ODAD2: variants seen among roughly 807,000 people sequenced by gnomAD.
ODAD2 encodes the protein outer dynein arm docking complex subunit 2, also known as outer dynein arm-docking complex subunit 2.
Under a neutral mutation model 106.8 loss-of-function variants are expected in ODAD2, and 89 were observed. The observed-to-expected ratio is 0.83, with a 90% confidence interval of 0.70 to 0.99. ODAD2 has a LOEUF of 0.99. ODAD2 is among the 50% of genes least tolerant of loss of function. The probability of loss-of-function intolerance (pLI) is 0.00; values close to 1 mark genes in which losing one functional copy is unlikely to be tolerated. For missense variants in ODAD2, 1,168 were observed against 1,238.5 expected (o/e 0.94, Z 0.85); for synonymous variants, 404 against 436.2 (o/e 0.93, Z 0.92).
chr10:27,841,430 C>G (rs1402513592), intron 19 of ODAD2, among the ~76,000 whole-genome samples: 2 of 151,728 alleles, frequency 1.3e-5, no homozygotes, highest in African/African-American at 2.4e-5. Flanking sequence ...GAGTCTTGCT[C>G]TGTCACCTAG....
chr10:27,941,602 T>TTTG (rs1846446989), intron 12 of ODAD2, among the ~76,000 whole-genome samples: 2 of 149,410 alleles, frequency 1.3e-5, no homozygotes, highest in African/African-American at 2.4e-5. Context: ...TCCAGTTTTT[T>TTTG]TTTTTTTTTT....
chr10:27,962,617 C>G (rs1036385706), intron 9 of ODAD2, among the ~76,000 whole-genome samples: 1 of 152,220 alleles, frequency 6.6e-6, no homozygotes, highest in Non-Finnish European at 1.5e-5. Context: ...CATTACCATG[C>G]AAAGTGTTGA....
chr10:27,827,030 C>T (rs1263888871), intron 19 of ODAD2, among the ~76,000 whole-genome samples: 3 of 152,104 alleles, frequency 2.0e-5, no homozygotes, highest in African/African-American at 7.2e-5. Flanking sequence ...ATCCAGGGGA[C>T]ACTTTTGGTT....
chr10:27,822,218 C>A lies in ODAD2; in HGVS notation c.3022-9593G>T, dbSNP rs573589345. Among the ~76,000 whole-genome samples the A allele has an allele frequency of 2.0e-4, 30 of 152,334 alleles. No homozygotes were observed. The South Asian group carries it at 6.0e-3, about 30-fold the overall frequency. On this transcript the variant is annotated intron_variant, in intron 19 of 19. Transcript: ENST00000305242. ...GAATTGGGTCTGCATTCAATTTTTA[C>A]ATTTCCATTTAACAGTTTATGATTT...
intron 1 of ODAD2, among the ~76,000 whole-genome samples, chr10:27,998,332 A>G (rs1850677873): frequency 1.3e-5 from 2 of 152,158 alleles, no homozygotes; most frequent in African/African-American, 4.8e-5. Flanking sequence ...GGCCCCCACC[A>G]GACTCGTTAC....
intron 1 of ODAD2, among the ~76,000 whole-genome samples, chr10:27,998,155 T>A (rs1011820905): frequency 2.0e-5 from 3 of 152,196 alleles, no homozygotes; most frequent in African/African-American, 7.2e-5. Flanking sequence ...AGCCATCAGC[T>A]CTGAGATCTA....
Position 27,944,269 on chromosome 10 carries a change from T to C in ODAD2, c.1696A>G (p.Lys566Glu). 1 of 1,613,956 alleles carries C rather than the reference T, an allele frequency of 6.2e-7. No individual in the cohort carries two copies. The highest frequency in any genetic ancestry group is 8.5e-7 in the Non-Finnish European group (1 of 1,180,008). The stretch of plus-strand genomic sequence containing the variant: ...TGCCTCACCACCCGCCGTGCTCTTT[T>C]AAACTTGGCAACATTCGCGATAGTC... ...AETIANVAKF[K>E]RARRVVRQHG... Residue 566 changes from lysine (K) to glutamate (E), a missense_variant, in exon 12 of 20, where the codon AAA becomes GAA. Physicochemically the swap from Lys to Glu is moderately conservative, Grantham distance 56 (BLOSUM62 1). Transcript: ENST00000305242.
At chr10:27,864,146 G>C (rs747472547) in intron 17 of ODAD2, among the ~76,000 whole-genome samples, 1 of 151,892 alleles carries the variant, frequency 6.6e-6, no homozygotes, top group Non-Finnish European at 1.5e-5. Flanking sequence ...TGGTTTGGGG[G>C]AGGGTGGTGG....
chr10:27,815,075 C>T (rs371164731), intron 19 of ODAD2, among the ~76,000 whole-genome samples: 2 of 152,154 alleles, frequency 1.3e-5, no homozygotes, highest in East Asian at 1.9e-4. Flanking sequence ...TAAACTCGAT[C>T]GAAGCCATTA....
chr10:27,936,530 A>T (rs959543108), intron 15 of ODAD2, among the ~76,000 whole-genome samples, 196 bp downstream of exon 15: 3 of 152,196 alleles, frequency 2.0e-5, no homozygotes, highest in African/African-American at 7.2e-5. Context: ...GGCACAGAAA[A>T]AGTCATTGCC....
At chr10:27,998,245 G>T (rs563447562) in intron 1 of ODAD2, among the ~76,000 whole-genome samples, 13 of 152,292 alleles carry the variant, frequency 8.5e-5, no homozygotes, top group East Asian at 1.9e-4. Flanking sequence ...CAGTAAGACC[G>T]ACAGAAAATC....
At chr10:27,817,671 C>A (rs185137228) in intron 19 of ODAD2, among the ~76,000 whole-genome samples, 49 of 152,196 alleles carry the variant, frequency 3.2e-4, no homozygotes, top group Non-Finnish European at 6.0e-4. Flanking sequence ...ATGATTCATT[C>A]TTTTTTATGA....
At chr10:27,894,306 C>T (rs1842732639) in intron 17 of ODAD2, among the ~76,000 whole-genome samples, 1 of 151,878 alleles carries the variant, frequency 6.6e-6, no homozygotes, top group Non-Finnish European at 1.5e-5. Flanking sequence ...ATAAATACAA[C>T]ATGAGACCTC....
At chr10:27,863,128 T>C (rs79169887) in intron 17 of ODAD2, among the ~76,000 whole-genome samples, 8,645 of 152,246 alleles carry the variant, frequency 0.057, 317 homozygotes, top group East Asian at 0.13. Flanking sequence ...TTCATATATA[T>C]TGTTCATTCA....
intron 17 of ODAD2, among the ~76,000 whole-genome samples, chr10:27,887,645 G>A (rs1444390745): frequency 6.6e-6 from 1 of 151,822 alleles, no homozygotes; most frequent in Non-Finnish European, 1.5e-5. Context: ...GAACACAATG[G>A]AATAAAAATA....
intron 17 of ODAD2, among the ~76,000 whole-genome samples, chr10:27,894,133 A>C (rs7099871): frequency 0.66 from 100,211 of 151,374 alleles, 33,473 homozygotes; most frequent in Middle Eastern, 0.74. Flanking sequence ...AGAGTGAGAC[A>C]CCATCTCTAA....
intron 16 of ODAD2, among the ~76,000 whole-genome samples, chr10:27,915,538 G>A (rs891188472): frequency 1.3e-5 from 2 of 152,118 alleles, no homozygotes; most frequent in Non-Finnish European, 2.9e-5. Flanking sequence ...TCACAATGGG[G>A]ATTAAGTTTC....
At chr10:27,998,323 GC>G (rs1174926380) in intron 1 of ODAD2, among the ~76,000 whole-genome samples, 2 of 152,148 alleles carry the variant, frequency 1.3e-5, no homozygotes, top group African/African-American at 2.4e-5. Context: ...TGGGATGACG[GC>G]CCCCACCAGA....
intron 12 of ODAD2, 34 bp downstream of exon 12, chr10:27,944,188 A>G: frequency 6.4e-7 from 1 of 1,567,330 alleles, no homozygotes; most frequent in Non-Finnish European, 8.7e-7. Context: ...GGCGGCTGGC[A>G]CTAGATGACG....
Sources: gnomAD v4.1 joint callset for allele counts (sites outside exome capture counted in the v4.1 genomes callset) on GRCh38, gnomAD v4.1.1 for gene constraint, MANE v1.5 for transcripts, NCBI Gene and HGNC (gene_info 2026-07-23, HGNC 2026-07-21) for gene names.